Variants in CEMIP observed in about 807,000 individuals in gnomAD.
CEMIP encodes the protein cell migration inducing hyaluronidase 1, also known as cell migration-inducing and hyaluronan-binding protein.
CEMIP carries 105 observed loss-of-function variants against 156.9 expected under a neutral mutation model. That is an observed-to-expected ratio of 0.67 (90% CI 0.57 to 0.79). The LOEUF (loss-of-function observed/expected upper bound fraction) is 0.79. CEMIP is among the 30% of genes least tolerant of loss of function. The pLI is 0.00. For synonymous variants in CEMIP, 676 were observed against 668.4 expected (o/e 1.01, Z -0.17); for missense variants, 1,457 against 1,769.4 (o/e 0.82, Z 3.17).
At chr15:80,896,581 G>A (rs1208072631) in intron 12 of CEMIP, among the ~76,000 whole-genome samples, 2 of 152,150 alleles carry the variant, frequency 1.3e-5, no homozygotes, top group East Asian at 1.9e-4. Flanking sequence ...CTGTGAGTTT[G>A]GGGTTTTTCT....
chr15:80,927,081 G>A (rs1023078760), intron 19 of CEMIP, among the ~76,000 whole-genome samples: 7 of 152,208 alleles, frequency 4.6e-5, no homozygotes, highest in Non-Finnish European at 7.3e-5. Context: ...CGCCCGCCTT[G>A]GCCTCCCAAA....
intron 12 of CEMIP, among the ~76,000 whole-genome samples, chr15:80,902,193 G>A (rs1403221333): frequency 1.3e-5 from 2 of 152,234 alleles, no homozygotes; most frequent in Admixed American, 6.5e-5. Context: ...GGATCTGGGG[G>A]TTGTGGAAGC....
chr15:80,858,227 C>A lies in CEMIP; in HGVS notation c.-175-15311C>A, dbSNP rs147392737. On this transcript the variant is annotated intron_variant, in intron 1 of 29. Coordinates refer to ENST00000394685, the MANE Select transcript of CEMIP (RefSeq NM_001293298.2). ...GGCTGGTGGGTGGTTCTTGCATAGT[C>A]CTTCATGAAATAGTCGTCAACCTTA... Among the ~76,000 whole-genome samples the A allele has an allele frequency of 1.4e-4, 21 of 152,224 alleles. No homozygotes were observed. In the East Asian group the frequency reaches 3.9e-3, roughly 28 times the overall value.
intron 17 of CEMIP, among the ~76,000 whole-genome samples, chr15:80,924,074 C>A (rs941310695): frequency 1.3e-5 from 2 of 152,228 alleles, no homozygotes; most frequent in Non-Finnish European, 2.9e-5. Context: ...CATCACTCAG[C>A]TGCCTTGATT....
rs138707151 is a variant in CEMIP, at chr15:80,813,922, G to A, written c.-176+34308G>A. On this transcript the variant is annotated intron_variant, in intron 1 of 29. Transcript: ENST00000394685. ...CCCTGGGCTTCTCAAGGGTGGAAGAGATGTTTCATTCACTGAAGTAGTTCT... is the reference window on the plus strand; with the variant it reads ...CCCTGGGCTTCTCAAGGGTGGAAGAAATGTTTCATTCACTGAAGTAGTTCT... Among the ~76,000 whole-genome samples the A allele has an allele frequency of 4.3e-3, 648 of 151,972 alleles. 3 individuals are homozygous for A. Among genetic ancestry groups the A allele is most frequent in the Non-Finnish European group, 6.9e-3 (469 of 67,982 alleles).
At chr15:80,926,991 A>T (rs762191198) in intron 19 of CEMIP, among the ~76,000 whole-genome samples, 1 of 151,968 alleles carries the variant, frequency 6.6e-6, no homozygotes, top group Non-Finnish European at 1.5e-5. Flanking sequence ...CCACCACGCC[A>T]GGCTAATTTT....
chr15:80,909,304 T>C lies in CEMIP; in HGVS notation c.1795T>C (p.Leu599=). The C allele has an allele frequency of 1.2e-6, 2 of 1,613,992 alleles. No homozygotes were observed. The highest frequency in any genetic ancestry group is 2.2e-5 in the South Asian group (2 of 91,076). The part of the protein sequence containing the change: ...CVTVHGSNGL[L]IKDVVGYNSL... ...CACAGTCCATGGCTCCAATGGCTTG[T>C]TGGTAAGAACCTCCTTCCCTCAGGG... Residue 599 remains leucine (L), a splice_region_variant and synonymous_variant, in exon 14 of 30, where the codon TTG becomes CTG. Coordinates refer to ENST00000394685, the MANE Select transcript of CEMIP (RefSeq NM_001293298.2).
chr15:80,937,423 G>A (rs575645727), intron 24 of CEMIP, among the ~76,000 whole-genome samples: 24 of 152,250 alleles, frequency 1.6e-4, no homozygotes, highest in Non-Finnish European at 2.8e-4. Context: ...AGACCAAAGC[G>A]ATGAAATCGG....
chr15:80,929,572 A>T (rs1900826142), intron 21 of CEMIP, among the ~76,000 whole-genome samples: 1 of 152,206 alleles, frequency 6.6e-6, no homozygotes, highest in African/African-American at 2.4e-5. Flanking sequence ...GAGAATAACC[A>T]GGAGGGTGAC....
intron 1 of CEMIP, among the ~76,000 whole-genome samples, chr15:80,834,538 C>A (rs1186961946): frequency 1.3e-5 from 2 of 152,216 alleles, no homozygotes. Context: ...AAACATTACT[C>A]TTTCCTTATT....
At position 80,895,987 on chromosome 15, in the gene CEMIP, C is replaced by T; in HGVS notation, c.1338C>T (p.Tyr446=). 6.2e-7 allele frequency: 1 copy of T among 1,614,218 alleles called. No individual in the cohort carries two copies. The highest frequency in any genetic ancestry group is 1.1e-5 in the South Asian group (1 of 91,084). The part of the protein sequence containing the change: ...GDTLVIASTD[Y]SMYQAEEFQV... ...CCCTGGTCATTGCCAGTACTGATTACTCCATGTACCAGGCAGAAGAGTTCC... is the reference window on the plus strand; with the variant it reads ...CCCTGGTCATTGCCAGTACTGATTATTCCATGTACCAGGCAGAAGAGTTCC... The change falls in exon 12 of 30, where the codon TAC becomes TAT. Residue 446 remains tyrosine, a synonymous_variant. Transcript: ENST00000394685.
chr15:80,908,979 A>T, intron 13 of CEMIP, 118 bp from the exon 14 acceptor site: 1 of 939,408 alleles, frequency 1.1e-6, no homozygotes, highest in Non-Finnish European at 1.7e-6. Context: ...TGATTTACTG[A>T]GTACTAAGTG....
intron 1 of CEMIP, among the ~76,000 whole-genome samples, chr15:80,825,850 C>T (rs752046420): frequency 1.3e-5 from 2 of 152,178 alleles, no homozygotes; most frequent in African/African-American, 4.8e-5. Context: ...GCTGTTGCTC[C>T]GACTGTCCTC....
chr15:80,825,775 A>T (rs1279792296), intron 1 of CEMIP, among the ~76,000 whole-genome samples: 3 of 152,200 alleles, frequency 2.0e-5, no homozygotes, highest in Admixed American at 2.0e-4. Flanking sequence ...AAGATGCAGG[A>T]TGACCCCTCG....
At chr15:80,865,877 C>T (rs1193395865) in intron 1 of CEMIP, among the ~76,000 whole-genome samples, 1 of 152,048 alleles carries the variant, frequency 6.6e-6, no homozygotes, top group Non-Finnish European at 1.5e-5. Flanking sequence ...GGGTCATGTG[C>T]ATTATTTAGA....
At chr15:80,782,535 G>GAC (rs2141554405) in intron 1 of CEMIP, among the ~76,000 whole-genome samples, 1 of 152,260 alleles carries the variant, frequency 6.6e-6, no homozygotes, top group Non-Finnish European at 1.5e-5. Flanking sequence ...ACTAATACAT[G>GAC]ACACACCACA....
At chr15:80,869,229 G>T (rs534345028) in intron 1 of CEMIP, among the ~76,000 whole-genome samples, 1 of 152,262 alleles carries the variant, frequency 6.6e-6, no homozygotes, top group South Asian at 2.1e-4. Flanking sequence ...TTTTACCTTA[G>T]TTACCTCTTT....
chr15:80,841,570 G>T (rs976044776), intron 1 of CEMIP, among the ~76,000 whole-genome samples: 2 of 152,182 alleles, frequency 1.3e-5, no homozygotes, highest in Admixed American at 1.3e-4. Context: ...ACTTCCACTT[G>T]CCCTTAACCT....
chr15:80,910,188 T>A (rs1405229753), intron 14 of CEMIP, among the ~76,000 whole-genome samples: 1 of 152,216 alleles, frequency 6.6e-6, no homozygotes, highest in African/African-American at 2.4e-5. Context: ...AGATTCTACA[T>A]AAAAATCTGG....
Sources: gnomAD v4.1 joint callset for allele counts (sites outside exome capture counted in the v4.1 genomes callset) on GRCh38, gnomAD v4.1.1 for gene constraint, MANE v1.5 for transcripts, NCBI Gene and HGNC (gene_info 2026-07-23, HGNC 2026-07-21) for gene names.